The following STK3 variants were observed in gnomAD, a reference collection of about 807,000 sequenced individuals.
The protein encoded by STK3 is serine/threonine-protein kinase 3.
In STK3, 41 loss-of-function variants were observed where a neutral mutation model predicts 58.0. The ratio of observed to expected loss-of-function variants is 0.71; its 90% confidence interval spans 0.55 to 0.92. The LOEUF (loss-of-function observed/expected upper bound fraction) is 0.92, where lower values mean the gene tolerates loss of function less well. STK3 is among the 40% of genes least tolerant of loss of function. The pLI is 0.00. For missense variants in STK3, 479 were observed against 602.7 expected, an observed-to-expected ratio of 0.79 and a Z score of 2.15; for synonymous variants, 170 against 191.0, an observed-to-expected ratio of 0.89 and a Z score of 0.91.
At chr8:98,737,730 T>TG (rs958072608) in intron 4 of STK3, among the ~76,000 whole-genome samples, 36 of 152,094 alleles carry the variant, frequency 2.4e-4, no homozygotes, top group African/African-American at 8.2e-4. Context: ...TTTTTTTAGA[T>TG]GGAGTTTCAC....
Position 98,524,168 on chromosome 8 carries a change from T to C in STK3, c.1317+2574A>G, listed in dbSNP as rs578145547. Among the ~76,000 whole-genome samples the C allele has an allele frequency of 8.7e-4, 133 of 152,364 alleles. No individual in the cohort carries two copies. The South Asian group carries it at 0.027, about 31-fold the overall frequency. On this transcript the variant is annotated intron_variant, in intron 10 of 10. Transcript: ENST00000419617. ...TTGCCGAAAATCATTTGACCATAGA[T>C]GTGAAAAGTTTACTTCTCAGCTCTC...
chr8:98,511,493 C>T (rs967377819), intron 10 of STK3, among the ~76,000 whole-genome samples: 3 of 151,948 alleles, frequency 2.0e-5, no homozygotes, highest in Non-Finnish European at 2.9e-5. Flanking sequence ...ATTGATGCTA[C>T]CCTAAATACA....
intron 1 of STK3, among the ~76,000 whole-genome samples, chr8:98,936,538 T>C (rs751722448): frequency 5.3e-5 from 8 of 152,238 alleles, no homozygotes; most frequent in Non-Finnish European, 1.2e-4. Context: ...GCAAGTGTTC[T>C]ACAAACCAAT....
intron 6 of STK3, chr8:98,597,469 A>G (rs1172519551): frequency 1.0e-6 from 1 of 985,238 alleles, no homozygotes; most frequent in East Asian, 1.1e-4. Context: ...CAGTATTACA[A>G]AACAATAAAC....
chr8:98,521,266 T>C (rs1214176169), intron 10 of STK3, among the ~76,000 whole-genome samples: 1 of 152,162 alleles, frequency 6.6e-6, no homozygotes, highest in African/African-American at 2.4e-5. Context: ...TCCAGTCATA[T>C]GATCTCTTGA....
chr8:98,926,401 CA>C (rs1490306612), intron 1 of STK3, among the ~76,000 whole-genome samples: 1 of 152,180 alleles, frequency 6.6e-6, no homozygotes, highest in East Asian at 1.9e-4. Context: ...TCTATTAATG[CA>C]AACATATGGA....
At chr8:98,420,864 T>C (rs377111041) in intron 3 of STK3, among the ~76,000 whole-genome samples, 3 of 152,210 alleles carry the variant, frequency 2.0e-5, no homozygotes, top group South Asian at 4.1e-4. Flanking sequence ...GGTATATAGC[T>C]CTTTAATGCA....
At chr8:98,928,397 C>G (rs1460420578) in intron 1 of STK3, among the ~76,000 whole-genome samples, 3 of 152,172 alleles carry the variant, frequency 2.0e-5, no homozygotes, top group Admixed American at 6.5e-5. Flanking sequence ...ACCCAAGAAA[C>G]TGTGAAAAAA....
At chr8:98,378,252 C>T (rs953951382) in intron 2 of STK3, among the ~76,000 whole-genome samples, 4 of 152,230 alleles carry the variant, frequency 2.6e-5, no homozygotes. Context: ...TTGCAAGCAT[C>T]CACCTTTCTC....
At position 98,478,556 on chromosome 8, in the gene STK3, A is replaced by G. The variant is rs1821568234; in HGVS notation, c.1318-22556T>C. 2.6e-5 allele frequency among the ~76,000 whole-genome samples: 4 copies of G among 152,348 alleles called. No individual in the cohort carries two copies. The South Asian group carries it at 8.3e-4, about 32-fold the overall frequency. ...ATCCTTATTACTCCCTCAAATTTGC[A>G]GAGGGACTTCAGATGACTAAAACTA... is the stretch of plus-strand genomic sequence containing the variant. On this transcript the variant is annotated intron_variant, in intron 10 of 10. Transcript: ENST00000419617.
At chr8:98,929,398 C>T (rs1277482436) in intron 1 of STK3, among the ~76,000 whole-genome samples, 1 of 152,214 alleles carries the variant, frequency 6.6e-6, no homozygotes, top group African/African-American at 2.4e-5. Context: ...TGGCCCATGC[C>T]TGTAATCCCA....
chr8:98,458,490 T>G (rs11787192), intron 10 of STK3, among the ~76,000 whole-genome samples: 2,336 of 152,302 alleles, frequency 0.015, 28 homozygotes, highest in Non-Finnish European at 0.024. Context: ...CTTGATTTGA[T>G]TCTCAGCTTG....
intron 6 of STK3, among the ~76,000 whole-genome samples, chr8:98,611,742 T>C (rs1220600443): frequency 1.3e-5 from 2 of 152,186 alleles, no homozygotes; most frequent in Non-Finnish European, 2.9e-5. Context: ...GCTTATTCCC[T>C]GAACTCAACC....
At chr8:98,736,176 A>C (rs1044137817) in intron 4 of STK3, among the ~76,000 whole-genome samples, 3 of 152,180 alleles carry the variant, frequency 2.0e-5, no homozygotes, top group Non-Finnish European at 4.4e-5. Context: ...TGCAATAAAC[A>C]CCCAATTAAT....
intron 4 of STK3, among the ~76,000 whole-genome samples, chr8:98,728,624 GA>G (rs933754501): frequency 6.6e-6 from 1 of 152,114 alleles, no homozygotes; most frequent in Non-Finnish European, 1.5e-5. Context: ...AAAGATTCCT[GA>G]AAAAGAGATC....
At chr8:98,697,908 T>C (rs1465252891) in intron 6 of STK3, among the ~76,000 whole-genome samples, 1 of 152,186 alleles carries the variant, frequency 6.6e-6, no homozygotes. Context: ...GTTCAATTCC[T>C]GGATATCCTT....
chr8:98,416,502 G>A lies in STK3; in HGVS notation n.484-14989C>T, dbSNP rs942843464. ...AAAGGAAATTAGAACCCTAAGAGAG[G>A]ACCGCTCCTTCTCTCAGGAGACACA... On this transcript the variant is annotated intron_variant and non_coding_transcript_variant, in intron 3 of 3. Coordinates refer to the STK3 transcript ENST00000517832. Among the ~76,000 whole-genome samples, 10 of 151,582 alleles carry A rather than the reference G, an allele frequency of 6.6e-5. No homozygotes were observed. The South Asian group carries it at 1.7e-3, about 25-fold the overall frequency.
chr8:98,588,788 T>A (rs1483312053), intron 7 of STK3, among the ~76,000 whole-genome samples: 1 of 152,032 alleles, frequency 6.6e-6, no homozygotes, highest in Non-Finnish European at 1.5e-5. Flanking sequence ...TTGGAGGCTT[T>A]GCTCATTTCC....
chr8:98,887,821 T>C (rs1207717128), intron 1 of STK3, among the ~76,000 whole-genome samples: 1 of 152,154 alleles, frequency 6.6e-6, no homozygotes, highest in Non-Finnish European at 1.5e-5. Context: ...AGAAGACCTG[T>C]TATGTAGGCC....
Sources: gnomAD v4.1 joint callset for allele counts (sites outside exome capture counted in the v4.1 genomes callset) on GRCh38, gnomAD v4.1.1 for gene constraint, MANE v1.5 for transcripts, NCBI Gene and HGNC (gene_info 2026-07-23, HGNC 2026-07-21) for gene names.